The following ZNF816 variants were observed in gnomAD, a reference collection of about 807,000 sequenced individuals.
ZNF816 encodes zinc finger protein 816, also known as zinc finger protein 816A.
ZNF816 carries 11 observed loss-of-function variants against 8.3 expected under a neutral mutation model. That is an observed-to-expected ratio of 1.32 (90% confidence interval 0.83 to 2.19). The LOEUF (loss-of-function observed/expected upper bound fraction) is 2.19, where lower values mean the gene tolerates loss of function less well. Among genes scored for constraint, ZNF816 ranks in the 30% most tolerant of loss-of-function variants. The pLI is 0.00. For synonymous variants in ZNF816, 255 were observed against 254.5 expected (o/e 1.00, Z -0.02); for missense variants, 710 against 779.3 (o/e 0.91, Z 1.06).
chr19:52,960,971 G>A (rs1200490312), intron 1 of ZNF816, among the ~76,000 whole-genome samples: 1 of 152,198 alleles, frequency 6.6e-6, no homozygotes, highest in Admixed American at 6.5e-5. Context: ...TTAAATTTTA[G>A]ACTTGTACAG....
At chr19:52,953,735 T>TA (rs2083485824) in intron 2 of ZNF816, among the ~76,000 whole-genome samples, 1 of 126,338 alleles carries the variant, frequency 7.9e-6, no homozygotes, top group African/African-American at 3.0e-5. Context: ...ATAATATATA[T>TA]TTTATATATA....
chr19:52,950,327 CATGTGT>C lies in ZNF816; in HGVS notation c.1442_1447del (p.Tyr481_Thr482del), dbSNP rs1237868384. On this transcript the variant is annotated inframe_deletion, in exon 4 of 4. Coordinates refer to ENST00000444460, the MANE Select transcript of ZNF816 (RefSeq NM_001202457.3). ...ACTAAAAACCTTGCCACATTCATTA[CATGTGT>C]AAGGTTTCTCTCCAGTGTGAAGTGT... 3 of 1,613,922 alleles carry C rather than the reference CATGTGT, an allele frequency of 1.9e-6. No individual in the cohort carries two copies. The highest frequency in any genetic ancestry group is 2.5e-6 in the Non-Finnish European group (3 of 1,179,966).
At chr19:52,952,185 A>G (rs1169868852) in intron 3 of ZNF816, among the ~76,000 whole-genome samples, 1 of 152,006 alleles carries the variant, frequency 6.6e-6, no homozygotes, top group Non-Finnish European at 1.5e-5. Flanking sequence ...CTTGGCCAAC[A>G]TGGTGATACC....
At position 52,951,379 on chromosome 19, in the gene ZNF816, G is replaced by T. The variant is rs200268035; in HGVS notation, c.396C>A (p.Ile132=). The T allele has an allele frequency of 3.1e-4, 496 of 1,613,962 alleles. 4 individuals are homozygous for T. In the South Asian group the frequency reaches 3.4e-3, roughly 11 times the overall value. Residue 132 remains isoleucine (I), a synonymous_variant, in exon 4 of 4, where the codon ATC becomes ATA. Coordinates refer to ENST00000444460, the MANE Select transcript of ZNF816 (RefSeq NM_001202457.3). ...GGTCTGTACTACCAGTCAACTTTTTGATTTTTGTCATGGGTGCTTCATGGC... is the reference window on the plus strand; with the variant it reads ...GGTCTGTACTACCAGTCAACTTTTTTATTTTTGTCATGGGTGCTTCATGGC... ...RNGHEAPMTK[I]KKLTGSTDRS... is the part of the protein sequence containing the mutation.
At chr19:52,953,301 G>A (rs1241624767) in intron 2 of ZNF816, 9 of 329,278 alleles carry the variant, frequency 2.7e-5, no homozygotes, top group East Asian at 1.2e-4. Flanking sequence ...GCTGATGCAC[G>A]AGAATAACTT....
intron 2 of ZNF816, among the ~76,000 whole-genome samples, chr19:52,954,895 T>C (rs1293926788): frequency 2.6e-5 from 4 of 151,006 alleles, no homozygotes; most frequent in African/African-American, 4.9e-5. Flanking sequence ...TTCTAAAGGA[T>C]TGCGCCGACT....
chr19:52,955,135 A>G (rs541445318), intron 2 of ZNF816, among the ~76,000 whole-genome samples: 1 of 152,310 alleles, frequency 6.6e-6, no homozygotes, highest in South Asian at 2.1e-4. Context: ...GAGCAAACTT[A>G]TAATCATTTT....
chr19:52,949,647 A>G lies in ZNF816; in HGVS notation c.*172T>C. On this transcript the variant is annotated 3_prime_UTR_variant, in exon 4 of 4. Coordinates refer to ENST00000444460, the MANE Select transcript of ZNF816 (RefSeq NM_001202457.3). ...GAAGCTTGACTGAAGACCTTGTCAC[A>G]GTCATGATATTTGTAAGGTTTCTCT... 2 of 1,046,660 alleles carry G rather than the reference A, an allele frequency of 1.9e-6. No individual in the cohort carries two copies. Among genetic ancestry groups the G allele is most frequent in the Non-Finnish European group, 2.9e-6 (2 of 680,464 alleles). The allele number at this position is 1,046,660 out of a possible 1,614,324, so 64.8% of individuals were successfully genotyped here.
chr19:52,960,685 T>G lies in ZNF816; in HGVS notation c.-16+2042A>C, dbSNP rs958854010. On this transcript the variant is annotated intron_variant, in intron 1 of 3. Coordinates refer to ENST00000444460, the MANE Select transcript of ZNF816 (RefSeq NM_001202457.3). ...GGGTGATTGAGTGTGGATCAAGGACTGGAACGTAGCCCCTGTGTGCCCCCA... is the reference window on the plus strand; with the variant it reads ...GGGTGATTGAGTGTGGATCAAGGACGGGAACGTAGCCCCTGTGTGCCCCCA... Among the ~76,000 whole-genome samples the G allele has an allele frequency of 2.6e-5, 4 of 152,138 alleles. No homozygotes were observed. The South Asian group carries it at 6.2e-4, about 24-fold the overall frequency.
At position 52,952,555 on chromosome 19, in the gene ZNF816, T is replaced by G. The variant is rs183280383; in HGVS notation, c.190+196A>C. 1.7e-5 allele frequency: 18 copies of G among 1,034,106 alleles called. No homozygotes were observed. The Admixed American group carries it at 4.0e-4, about 23-fold the overall frequency. The allele number at this position is 1,034,106 out of a possible 1,614,324, so 64.1% of individuals were successfully genotyped here. On this transcript the variant is annotated intron_variant, in intron 3 of 3. Coordinates refer to ENST00000444460, the MANE Select transcript of ZNF816 (RefSeq NM_001202457.3). ...AGTCAAAGTGTTCGTGAATTTTCTGTTTTTATGTAAAACCACTCCAAAGAA... is the reference window on the plus strand; with the variant it reads ...AGTCAAAGTGTTCGTGAATTTTCTGGTTTTATGTAAAACCACTCCAAAGAA...
chr19:52,953,970 A>C (rs8111196), intron 2 of ZNF816, among the ~76,000 whole-genome samples: 1 of 147,596 alleles, frequency 6.8e-6, no homozygotes, highest in Non-Finnish European at 1.5e-5. Flanking sequence ...GAACTCTGGA[A>C]GCAGGGGTTG....
intron 1 of ZNF816, 33 bp from the exon 2 acceptor site, chr19:52,956,137 T>C (rs1364084238): frequency 6.3e-7 from 1 of 1,587,630 alleles, no homozygotes; most frequent in Non-Finnish European, 8.5e-7. Context: ...ATTTAATATT[T>C]AGAAACCATT....
rs57088011 is a variant in ZNF816, at chr19:52,951,134, G to C, written c.641C>G (p.Ser214Cys). The stretch of plus-strand genomic sequence containing the variant: ...TATTTCCTGTATTTGTGTGAATGAA[G>C]AATGGAGGAAATTCTTCCCATACTT... Reference protein sequence around the residue: ...SNKYGKNFLHSSFTQIQEICM... With the variant: ...SNKYGKNFLHCSFTQIQEICM... The change falls in exon 4 of 4, where the codon TCT becomes TGT. Residue 214 changes from serine (S) to cysteine (C), a missense_variant. Physicochemically the swap from Ser to Cys is moderately radical, Grantham distance 112 (BLOSUM62 -1). Transcript: ENST00000444460. 37,849 of 1,614,052 alleles carry C rather than the reference G, an allele frequency of 0.023. 756 individuals carry two copies. Among genetic ancestry groups the C allele is most frequent in the South Asian group, 0.077 (7,034 of 91,072 alleles).
At position 52,951,414 on chromosome 19, in the gene ZNF816, C is replaced by T; in HGVS notation, c.361G>A (p.Glu121Lys). ...HHFEFQWQEV[E>K]RNGHEAPMTK... Reference sequence around the variant, plus strand: ...ATGGGTGCTTCATGGCCATTTCTTTCAACTTCTTGCCACTGAAACTCAAAG... The same window carrying T: ...ATGGGTGCTTCATGGCCATTTCTTTTAACTTCTTGCCACTGAAACTCAAAG... The change falls in exon 4 of 4, where the codon GAA (glutamate) becomes AAA (lysine). Residue 121 changes from glutamate (E) to lysine (K), a missense_variant. Coordinates refer to ENST00000444460, the MANE Select transcript of ZNF816 (RefSeq NM_001202457.3). The T allele has an allele frequency of 1.2e-6, 2 of 1,614,012 alleles. No homozygotes were observed. The highest frequency in any genetic ancestry group is 1.7e-6 in the Non-Finnish European group (2 of 1,179,948).
At chr19:52,956,177 C>T in intron 1 of ZNF816, 73 bp from the exon 2 acceptor site, 3 of 1,496,326 alleles carry the variant, frequency 2.0e-6, no homozygotes, top group South Asian at 2.5e-5. Context: ...AACACACACA[C>T]AGGGGAAACC....
chr19:52,959,931 T>C (rs2083542295), intron 1 of ZNF816: 1 of 153,144 alleles, frequency 6.5e-6, no homozygotes, highest in Admixed American at 6.5e-5. Flanking sequence ...CCTGACCTTG[T>C]ACCTACTTAT....
chr19:52,950,808 T>A lies in ZNF816; in HGVS notation c.967A>T (p.Ser323Cys). ...TGGCATCTAAGGGATGACTTCTCAC[T>A]GAAGGTCTTGCCACACTCATTACAC... ...YKCNECGKTFSEKSSLRCHRR... is the reference protein window; with the variant it reads ...YKCNECGKTFCEKSSLRCHRR... The change falls in exon 4 of 4, where the codon AGT (serine) becomes TGT (cysteine). Residue 323 changes from serine to cysteine, a missense_variant. Transcript: ENST00000444460. 6.2e-7 allele frequency: 1 copy of A among 1,608,264 alleles called. No homozygotes were observed. Among genetic ancestry groups the A allele is most frequent in the Non-Finnish European group, 8.5e-7 (1 of 1,179,928 alleles).
chr19:52,952,506 A>T, intron 3 of ZNF816: 1 of 626,202 alleles, frequency 1.6e-6, no homozygotes. Flanking sequence ...CTCTTCCTAG[A>T]GCAGGATGAT....
intron 1 of ZNF816, among the ~76,000 whole-genome samples, chr19:52,962,431 G>T (rs559321799): frequency 6.6e-6 from 1 of 152,224 alleles, no homozygotes; most frequent in African/African-American, 2.4e-5. Context: ...AGATGGAAAG[G>T]GAAAGAGCCC....
Sources: allele counts gnomAD v4.1 joint callset (sites outside exome capture counted in the v4.1 genomes callset), GRCh38; gene constraint gnomAD v4.1.1; transcripts MANE v1.5; gene names NCBI Gene and HGNC (gene_info 2026-07-23, HGNC 2026-07-21).